Variants in LHFPL1 observed in about 807,000 individuals in gnomAD.
The protein encoded by LHFPL1 is LHFPL tetraspan subfamily member 1, also known as LHFPL tetraspan subfamily member 1 protein.
Under a neutral mutation model 12.1 loss-of-function variants are expected in LHFPL1, and 4 were observed. That is an observed-to-expected ratio of 0.33 (90% CI 0.16 to 0.76). The LOEUF is 0.76. Ranked by LOEUF, LHFPL1 falls within the 30% of genes least tolerant of loss-of-function variation. The pLI, the probability that LHFPL1 is intolerant of heterozygous loss-of-function variation, is 0.61. For synonymous variants in LHFPL1, 52 were observed against 61.9 expected, an observed-to-expected ratio of 0.84 and a Z score of 0.75; for missense variants, 141 against 174.1, an observed-to-expected ratio of 0.81 and a Z score of 1.07.
At chrX:112,667,679 G>A (rs112029654) in intron 2 of LHFPL1, among the ~76,000 whole-genome samples, 6,470 of 111,972 alleles carry the variant, frequency 0.058, 168 homozygotes, top group Middle Eastern at 0.097. Flanking sequence ...GGGGCCAGCT[G>A]TTTAGAAATC....
Position 112,635,561 on chromosome X carries a change from T to C in LHFPL1, c.482-3960A>G, listed in dbSNP as rs190197801. ...CTTTACTTTCAGTGGAAGGATTTACTGAAGAGAATCCTAAAAGCCCCTTCC... is the reference window on the plus strand; with the variant it reads ...CTTTACTTTCAGTGGAAGGATTTACCGAAGAGAATCCTAAAAGCCCCTTCC... On this transcript the variant is annotated intron_variant, in intron 3 of 3. Coordinates refer to ENST00000371968, the MANE Select transcript of LHFPL1 (RefSeq NM_178175.4). Among the ~76,000 whole-genome samples the C allele has an allele frequency of 8.7e-3, 976 of 112,760 alleles. 14 individuals carry two copies. The highest frequency in any genetic ancestry group is 0.03 in the African/African-American group (922 of 31,063).
At chrX:112,646,839 C>T (rs1220537398) in intron 3 of LHFPL1, among the ~76,000 whole-genome samples, 1 of 110,782 alleles carries the variant, frequency 9.0e-6, no homozygotes, top group African/African-American at 3.3e-5. Flanking sequence ...TGAAGTGTAT[C>T]CTAAAGAAAA....
At chrX:112,671,725 CT>C (rs1931513868) in intron 1 of LHFPL1, among the ~76,000 whole-genome samples, 1 of 111,976 alleles carries the variant, frequency 8.9e-6, no homozygotes, top group Admixed American at 9.5e-5. Flanking sequence ...CAGCTTTTAA[CT>C]CTTGACATAC....
intron 3 of LHFPL1, among the ~76,000 whole-genome samples, chrX:112,659,656 C>T (rs750782670): frequency 8.9e-6 from 1 of 112,034 alleles, no homozygotes; most frequent in Non-Finnish European, 1.9e-5. Context: ...TTAGCTTTTA[C>T]CCCAGCTAGC....
At chrX:112,636,055 G>A (rs893976730) in intron 3 of LHFPL1, among the ~76,000 whole-genome samples, 2 of 110,673 alleles carry the variant, frequency 1.8e-5, no homozygotes, top group East Asian at 5.7e-4. Context: ...GGCAGGGGCA[G>A]GGGGCGGTTT....
chrX:112,649,864 G>T lies in LHFPL1; in HGVS notation c.481+10763C>A, dbSNP rs185040510. On this transcript the variant is annotated intron_variant, in intron 3 of 3. Coordinates refer to ENST00000371968, the MANE Select transcript of LHFPL1 (RefSeq NM_178175.4). The stretch of plus-strand genomic sequence containing the variant: ...ATTTTGTCATAATATGTATATTCAT[G>T]AATCCTTTTATTCTCATTGTGCAGA... 1.5e-3 allele frequency among the ~76,000 whole-genome samples: 166 copies of T among 110,762 alleles called. 1 individual carries two copies. Among genetic ancestry groups the T allele is most frequent in the Admixed American group, 4.3e-3 (45 of 10,366 alleles).
intron 3 of LHFPL1, among the ~76,000 whole-genome samples, chrX:112,644,068 C>A: frequency 8.9e-6 from 1 of 111,968 alleles, no homozygotes; most frequent in East Asian, 2.8e-4. Context: ...TCTGTGTGGG[C>A]TAGATGGGCA....
intron 2 of LHFPL1, among the ~76,000 whole-genome samples, chrX:112,661,920 T>C (rs1440215715): frequency 8.9e-6 from 1 of 112,235 alleles, no homozygotes; most frequent in Non-Finnish European, 1.9e-5. Context: ...GTATCAATTC[T>C]GGATAAGCTG....
intron 3 of LHFPL1, among the ~76,000 whole-genome samples, chrX:112,641,180 T>A (rs1437095302): frequency 8.9e-6 from 1 of 111,855 alleles, no homozygotes; most frequent in African/African-American, 3.3e-5. Flanking sequence ...CTTTTCCAGG[T>A]CCAAGGTTCC....
intron 3 of LHFPL1, among the ~76,000 whole-genome samples, chrX:112,653,405 T>C (rs779251407): frequency 1.8e-5 from 2 of 111,845 alleles, no homozygotes; most frequent in Non-Finnish European, 3.8e-5. Context: ...CCTCTCTAAC[T>C]GTCATCAAGG....
intron 3 of LHFPL1, among the ~76,000 whole-genome samples, chrX:112,657,312 T>C (rs1015264040): frequency 8.9e-6 from 1 of 111,962 alleles, no homozygotes; most frequent in Non-Finnish European, 1.9e-5. Context: ...AAATAGAAAG[T>C]CATCTCAGGT....
intron 2 of LHFPL1, among the ~76,000 whole-genome samples, chrX:112,668,432 C>T (rs776102462): frequency 1.4e-4 from 16 of 112,395 alleles, no homozygotes; most frequent in Non-Finnish European, 2.8e-4. Context: ...GGAGGTCTAG[C>T]GATCTGTCCC....
intron 3 of LHFPL1, among the ~76,000 whole-genome samples, chrX:112,645,063 AG>A (rs1306687078): frequency 8.9e-6 from 1 of 111,988 alleles, no homozygotes; most frequent in Non-Finnish European, 1.9e-5. Context: ...TGTGTGTTGG[AG>A]GGGGTCCCTC....
At chrX:112,635,605 T>C (rs1370945478) in intron 3 of LHFPL1, among the ~76,000 whole-genome samples, 2 of 112,406 alleles carry the variant, frequency 1.8e-5, no homozygotes, top group Non-Finnish European at 3.8e-5. Flanking sequence ...TTTTCTATTG[T>C]AGTATGAATA....
At chrX:112,663,738 T>C (rs1931255006) in intron 2 of LHFPL1, among the ~76,000 whole-genome samples, 1 of 111,684 alleles carries the variant, frequency 9.0e-6, no homozygotes, top group Admixed American at 9.5e-5. Flanking sequence ...TTGGCAACAA[T>C]ATCTCTAGCA....
chrX:112,635,177 C>G, intron 3 of LHFPL1, among the ~76,000 whole-genome samples: 1 of 112,123 alleles, frequency 8.9e-6, no homozygotes, highest in South Asian at 3.7e-4. Flanking sequence ...GGACCATCAT[C>G]CATTCCCAAA....
At chrX:112,660,605 C>A (rs768146005) in intron 3 of LHFPL1, 22 bp downstream of exon 3, 1 of 1,155,511 alleles carries the variant, frequency 8.7e-7, no homozygotes, top group Non-Finnish European at 1.2e-6. Context: ...ACCATCACTG[C>A]CATCTGCCCA....
At chrX:112,651,077 G>T (rs780593189) in intron 3 of LHFPL1, among the ~76,000 whole-genome samples, 1 of 111,941 alleles carries the variant, frequency 8.9e-6, no homozygotes, top group Non-Finnish European at 1.9e-5. Context: ...ATGAGCTCTT[G>T]TATGTATAGT....
intron 2 of LHFPL1, among the ~76,000 whole-genome samples, chrX:112,669,497 C>T (rs781257576): frequency 1.8e-5 from 2 of 112,125 alleles, no homozygotes; most frequent in African/African-American, 6.5e-5. Flanking sequence ...TTAGAAATGA[C>T]GGAGGCTAGA....
Sources: gnomAD v4.1 joint callset for allele counts (sites outside exome capture counted in the v4.1 genomes callset) on GRCh38, gnomAD v4.1.1 for gene constraint, MANE v1.5 for transcripts, NCBI Gene and HGNC (gene_info 2026-07-23, HGNC 2026-07-21) for gene names.